PPEF1: variants seen among roughly 807,000 people sequenced by gnomAD.
The protein encoded by PPEF1 is protein phosphatase with EF-hand domain 1.
PPEF1 carries 12 observed loss-of-function variants against 53.3 expected under a neutral mutation model. The observed-to-expected ratio is 0.23, with a 90% CI of 0.14 to 0.36. The LOEUF is 0.36. Ranked by LOEUF, PPEF1 falls within the 10% of genes least tolerant of loss-of-function variation. PPEF1 has a pLI of 1.00. For missense variants in PPEF1, 334 were observed against 490.4 expected, an observed-to-expected ratio of 0.68 and a Z score of 3.01; for synonymous variants, 165 against 176.7, an observed-to-expected ratio of 0.93 and a Z score of 0.52.
chrX:18,775,822 A>T (rs2045955140), intron 6 of PPEF1, among the ~76,000 whole-genome samples: 1 of 112,319 alleles, frequency 8.9e-6, no homozygotes, highest in Non-Finnish European at 1.9e-5. Context: ...TCGAGTGTGA[A>T]AAAGAAGTCT....
intron 1 of PPEF1, among the ~76,000 whole-genome samples, chrX:18,711,016 G>A (rs938043841): frequency 3.9e-4 from 42 of 107,859 alleles, no homozygotes; most frequent in Non-Finnish European, 6.5e-4. Flanking sequence ...GTGTGTGTGT[G>A]TATGTGTGTG....
At chrX:18,786,466 G>A (rs1569264797) in intron 9 of PPEF1, among the ~76,000 whole-genome samples, 1 of 111,479 alleles carries the variant, frequency 9.0e-6, no homozygotes, top group Non-Finnish European at 1.9e-5. Flanking sequence ...TTTTTGGGAG[G>A]ATTAAATGTA....
At chrX:18,724,108 G>A (rs1284633637) in intron 1 of PPEF1, among the ~76,000 whole-genome samples, 1 of 111,600 alleles carries the variant, frequency 9.0e-6, no homozygotes, top group Non-Finnish European at 1.9e-5. Flanking sequence ...TTTTATGGCT[G>A]ATTCCAAATG....
intron 6 of PPEF1, among the ~76,000 whole-genome samples, chrX:18,762,008 G>A (rs1450629849): frequency 9.0e-6 from 1 of 111,594 alleles, no homozygotes; most frequent in Non-Finnish European, 1.9e-5. Context: ...ATAAGTTCCA[G>A]CATGCTCTCT....
intron 10 of PPEF1, among the ~76,000 whole-genome samples, chrX:18,803,312 C>T (rs1358947302): frequency 1.8e-5 from 2 of 112,998 alleles, no homozygotes; most frequent in African/African-American, 3.2e-5. Context: ...CCGCCCTGGG[C>T]AGGCCAGGTG....
At chrX:18,787,382 C>T (rs2046226836) in intron 9 of PPEF1, among the ~76,000 whole-genome samples, 1 of 110,754 alleles carries the variant, frequency 9.0e-6, no homozygotes, top group Admixed American at 9.7e-5. Flanking sequence ...TGAGGGGGGT[C>T]AATGCAGAGG....
chrX:18,768,915 C>T (rs755098538), intron 6 of PPEF1, among the ~76,000 whole-genome samples: 2 of 112,148 alleles, frequency 1.8e-5, no homozygotes, highest in Non-Finnish European at 3.8e-5. Flanking sequence ...ACATTTCTGA[C>T]GATCTCTTCA....
chrX:18,806,298 C>A, intron 11 of PPEF1, 105 bp from the exon 12 acceptor site: 1 of 877,047 alleles, frequency 1.1e-6, no homozygotes, highest in Non-Finnish European at 1.6e-6. Context: ...GTTTATGAAC[C>A]TTCTTTGATT....
chrX:18,821,934 A>G (rs779564254), intron 13 of PPEF1, among the ~76,000 whole-genome samples: 1 of 111,894 alleles, frequency 8.9e-6, no homozygotes, highest in Admixed American at 9.5e-5. Flanking sequence ...CTCATTGGTG[A>G]GGATGTGGCT....
chrX:18,739,736 G>T (rs899803295), intron 3 of PPEF1, among the ~76,000 whole-genome samples: 1 of 112,385 alleles, frequency 8.9e-6, no homozygotes, highest in Non-Finnish European at 1.9e-5. Context: ...CCCAGAGGTG[G>T]CGTCTATAGA....
chrX:18,795,559 T>G (rs2046416151), intron 10 of PPEF1, among the ~76,000 whole-genome samples: 1 of 111,924 alleles, frequency 8.9e-6, no homozygotes, highest in African/African-American at 3.2e-5. Context: ...CTCTCATTCA[T>G]TCATCCATTC....
At chrX:18,733,206 TA>T (rs1177474544) in intron 2 of PPEF1, among the ~76,000 whole-genome samples, 1 of 110,368 alleles carries the variant, frequency 9.1e-6, no homozygotes, top group African/African-American at 3.3e-5. Context: ...AACTCCATCT[TA>T]AAAAAAAGAA....
chrX:18,730,801 G>A (rs759452859), intron 2 of PPEF1, among the ~76,000 whole-genome samples: 2 of 107,006 alleles, frequency 1.9e-5, no homozygotes, highest in South Asian at 4.1e-4. Context: ...TGCAATCTCC[G>A]CCTCCTGGGT....
chrX:18,697,166 G>A (rs186668753), intron 4 of PPEF1, among the ~76,000 whole-genome samples: 51 of 111,737 alleles, frequency 4.6e-4, no homozygotes, highest in Non-Finnish European at 7.5e-4. Flanking sequence ...GTCCTGGGTT[G>A]GGATCCCTCA....
intron 4 of PPEF1, among the ~76,000 whole-genome samples, chrX:18,694,152 C>T (rs1457074628): frequency 8.9e-6 from 1 of 111,962 alleles, no homozygotes; most frequent in Non-Finnish European, 1.9e-5. Flanking sequence ...GTTTTTATTG[C>T]TAAGTAGCAT....
At chrX:18,782,020 C>G (rs2046097404) in intron 7 of PPEF1, among the ~76,000 whole-genome samples, 2 of 111,960 alleles carry the variant, frequency 1.8e-5, no homozygotes, top group African/African-American at 6.5e-5. Context: ...TTCTCTCACA[C>G]AGCTTCCCCC....
chrX:18,767,132 G>A (rs1053069865), intron 6 of PPEF1, among the ~76,000 whole-genome samples: 7 of 112,540 alleles, frequency 6.2e-5, no homozygotes, highest in Admixed American at 1.9e-4. Context: ...AATACTCAGC[G>A]ATCTGGAGCT....
chrX:18,730,112 GC>G, intron 1 of PPEF1, 68 bp from the exon 2 acceptor site: 1 of 1,078,044 alleles, frequency 9.3e-7, no homozygotes, highest in Non-Finnish European at 1.2e-6. Context: ...TTCCACTGAA[GC>G]ACCTACTTCT....
intron 10 of PPEF1, among the ~76,000 whole-genome samples, chrX:18,794,094 A>G (rs1319297581): frequency 1.8e-5 from 2 of 112,831 alleles, no homozygotes; most frequent in African/African-American, 3.2e-5. Flanking sequence ...AACAATAACA[A>G]TGCCCTGGCC....
Sources: allele counts gnomAD v4.1 joint callset (sites outside exome capture counted in the v4.1 genomes callset), GRCh38; gene constraint gnomAD v4.1.1; transcripts MANE v1.5; gene names NCBI Gene and HGNC (gene_info 2026-07-23, HGNC 2026-07-21).